The following LRRC31 variants were observed in gnomAD, a reference collection of about 807,000 sequenced individuals.
LRRC31 encodes leucine rich repeat containing 31.
LRRC31 carries 35 observed loss-of-function variants against 46.7 expected under a neutral mutation model. The ratio of observed to expected loss-of-function variants is 0.75; its 90% confidence interval spans 0.57 to 0.99. The LOEUF is 0.99. Among genes scored for constraint, LRRC31 ranks in the 50% least tolerant of loss-of-function variants. The pLI is 0.00. For synonymous variants in LRRC31, 236 were observed against 235.1 expected (o/e 1.00, Z -0.03); for missense variants, 613 against 626.1 (o/e 0.98, Z 0.22).
intron 1 of LRRC31, among the ~76,000 whole-genome samples, chr3:169,867,916 A>C (rs1781380176): frequency 6.6e-6 from 1 of 152,344 alleles, no homozygotes; most frequent in Admixed American, 6.5e-5. Context: ...GGAAAGAAAG[A>C]AAGCCAAAGA....
Position 169,854,994 on chromosome 3 carries a change from C to T in LRRC31, c.824-14G>A. On this transcript the variant is annotated splice_polypyrimidine_tract_variant and intron_variant, in intron 5 of 8. Coordinates refer to ENST00000316428, the MANE Select transcript of LRRC31 (RefSeq NM_024727.4). ...TAAAAGCAGCATCTACAAAGAAAGT[C>T]AGAATCCCATTCTGGTAGCTGGACA... is the stretch of plus-strand genomic sequence containing the variant. The T allele has an allele frequency of 6.2e-7, 1 of 1,602,176 alleles. No individual in the cohort carries two copies. The highest frequency in any genetic ancestry group is 8.5e-7 in the Non-Finnish European group (1 of 1,176,932).
At chr3:169,864,237 C>A (rs538555011) in intron 1 of LRRC31, among the ~76,000 whole-genome samples, 2 of 152,216 alleles carry the variant, frequency 1.3e-5, no homozygotes, top group African/African-American at 4.8e-5. Flanking sequence ...GCTGGCCCAA[C>A]TCCTTCCCCA....
At position 169,869,631 on chromosome 3, in the gene LRRC31, A is replaced by T; in HGVS notation, c.175+2T>A. 6.3e-7 allele frequency: 1 copy of T among 1,585,576 alleles called. No individual in the cohort carries two copies. The highest frequency in any genetic ancestry group is 1.2e-5 in the South Asian group (1 of 82,522). On this transcript the variant is annotated splice_donor_variant, in intron 1 of 8. Transcript: ENST00000316428. LOFTEE classifies it high-confidence loss of function. ...CAAAAACACCAGCAGCCAGCAGCTT[A>T]CCAGTCTCTGAGGTGGCTGTCTTCT...
chr3:169,854,747 T>C, intron 6 of LRRC31, 66 bp downstream of exon 6: 2 of 1,292,652 alleles, frequency 1.5e-6, no homozygotes, highest in South Asian at 1.3e-5. Context: ...ATATTAAAAT[T>C]TCCAAGTTTC....
At chr3:169,861,612 T>C (rs900749850) in intron 2 of LRRC31, 58 bp downstream of exon 2, 2 of 1,571,482 alleles carry the variant, frequency 1.3e-6, no homozygotes, top group African/African-American at 1.4e-5. Flanking sequence ...ATGTTTTATC[T>C]GCTTATCTCA....
chr3:169,866,846 C>T (rs1451007786), intron 1 of LRRC31, among the ~76,000 whole-genome samples: 2 of 151,998 alleles, frequency 1.3e-5, no homozygotes, highest in African/African-American at 2.4e-5. Context: ...CCTGTAGTTC[C>T]AGCTACTTGG....
intron 3 of LRRC31, among the ~76,000 whole-genome samples, chr3:169,858,326 C>T (rs1403778839): frequency 6.6e-6 from 1 of 152,110 alleles, no homozygotes; most frequent in South Asian, 2.1e-4. Context: ...GGTCCCAGGG[C>T]AGAAATTTCA....
chr3:169,849,109 C>A (rs996495824), intron 7 of LRRC31, among the ~76,000 whole-genome samples: 1 of 152,142 alleles, frequency 6.6e-6, no homozygotes, highest in African/African-American at 2.4e-5. Context: ...TTCTCAGTTG[C>A]CCCCAATGTT....
rs1491209579 is a variant in LRRC31 at position 169,857,345 on chromosome 3, T to TATAC, written c.488-474_488-473insGTAT. Among the ~76,000 whole-genome samples the TATAC allele has an allele frequency of 2.5e-4, 22 of 89,426 alleles. No individual in the cohort carries two copies. In the South Asian group the frequency reaches 3.6e-3, roughly 15 times the overall value. 58.7% of individuals were successfully genotyped at this position (89,426 alleles called of 152,430 possible). ...ATATATATATATATATATATATATA[T>TATAC]ACACACACACACACACACACACACA... On this transcript the variant is annotated intron_variant, in intron 3 of 8. Coordinates refer to ENST00000316428, the MANE Select transcript of LRRC31 (RefSeq NM_024727.4).
In LRRC31 at chr3:169,854,924, C is replaced by G; in HGVS notation, c.880G>C (p.Asp294His). ...LRKLDLSCNK[D>H]LGGGFEDSPA... The stretch of plus-strand genomic sequence containing the variant: ...GAGTCTTCAAAACCTCCACCTAGAT[C>G]CTTATTGCAGGAAAGATCTAATTTC... The change falls in exon 6 of 9, where the codon GAT becomes CAT. Residue 294 changes from aspartate to histidine, a missense_variant. Coordinates refer to ENST00000316428, the MANE Select transcript of LRRC31 (RefSeq NM_024727.4). The G allele has an allele frequency of 2.5e-6, 4 of 1,613,316 alleles. No homozygotes were observed. The highest frequency in any genetic ancestry group is 3.4e-6 in the Non-Finnish European group (4 of 1,179,988).
At position 169,839,822 on chromosome 3, in the gene LRRC31, C is replaced by A. The variant is rs1017817843; in HGVS notation, c.*160G>T. On this transcript the variant is annotated 3_prime_UTR_variant, in exon 9 of 9. Transcript: ENST00000316428. ...TATATATGTGTATATATGTATATTA[C>A]ATATATATATGTAATATATATATAT... 1.8e-5 allele frequency: 4 copies of A among 219,372 alleles called. No individual in the cohort carries two copies. Among genetic ancestry groups the A allele is most frequent in the African/African-American group, 9.5e-5 (4 of 42,098 alleles). 13.6% of individuals were successfully genotyped at this position (219,372 alleles called of 1,614,324 possible).
At position 169,848,412 on chromosome 3, in the gene LRRC31, C is replaced by A. The variant is rs201383418; in HGVS notation, c.1160-125G>T. 3 of 773,374 alleles carry A rather than the reference C, an allele frequency of 3.9e-6. No individual in the cohort carries two copies. The East Asian group carries it at 8.2e-5, about 21-fold the overall frequency. The allele number at this position is 773,374 out of a possible 1,614,324, so 47.9% of individuals were successfully genotyped here. ...ACTGGGGTTGAGAAAGTTGTAGAGA[C>A]CATTTTCTTCTGCCTTAAATTTATG... is the stretch of plus-strand genomic sequence containing the variant. On this transcript the variant is annotated intron_variant, in intron 7 of 8. Transcript: ENST00000316428.
At chr3:169,860,310 T>A (rs1781108132) in intron 3 of LRRC31, among the ~76,000 whole-genome samples, 3 of 151,030 alleles carry the variant, frequency 2.0e-5, no homozygotes, top group Admixed American at 6.6e-5. Context: ...TCACTGCAAC[T>A]TCCGCCTCCC....
At chr3:169,844,056 C>T (rs1780527637) in intron 8 of LRRC31, among the ~76,000 whole-genome samples, 1 of 152,114 alleles carries the variant, frequency 6.6e-6, no homozygotes, top group African/African-American at 2.4e-5. Flanking sequence ...ACCAATTTTA[C>T]ACAATCTTTC....
At chr3:169,858,421 T>A (rs1352045362) in intron 3 of LRRC31, among the ~76,000 whole-genome samples, 2 of 152,162 alleles carry the variant, frequency 1.3e-5, no homozygotes, top group African/African-American at 4.8e-5. Context: ...CACACCTGAG[T>A]AATGGTATGT....
intron 3 of LRRC31, 124 bp downstream of exon 3, chr3:169,860,437 A>G (rs1781114258): frequency 1.0e-6 from 1 of 969,972 alleles, no homozygotes; most frequent in Non-Finnish European, 1.6e-6. Context: ...CATGTTGCCC[A>G]GGCTGTTCTC....
intron 1 of LRRC31, among the ~76,000 whole-genome samples, chr3:169,867,164 C>T (rs946918734): frequency 6.6e-6 from 1 of 150,720 alleles, no homozygotes; most frequent in Non-Finnish European, 1.5e-5. Flanking sequence ...GATCCTCCCA[C>T]CTCAGCCTCC....
chr3:169,844,244 A>G (rs1253417479), intron 8 of LRRC31, among the ~76,000 whole-genome samples: 1 of 152,246 alleles, frequency 6.6e-6, no homozygotes, highest in South Asian at 2.1e-4. Context: ...CTATATAAAC[A>G]AGATAATACA....
At chr3:169,865,823 G>A (rs1781312831) in intron 1 of LRRC31, among the ~76,000 whole-genome samples, 1 of 152,110 alleles carries the variant, frequency 6.6e-6, no homozygotes, top group Admixed American at 6.6e-5. Flanking sequence ...GAGTCATCCA[G>A]GTGGGTGGAC....
Sources: gnomAD v4.1 joint callset for allele counts (sites outside exome capture counted in the v4.1 genomes callset) on GRCh38, gnomAD v4.1.1 for gene constraint, MANE v1.5 for transcripts, NCBI Gene and HGNC (gene_info 2026-07-23, HGNC 2026-07-21) for gene names.